BPIFB4: variants seen among roughly 807,000 people sequenced by gnomAD.
The protein encoded by BPIFB4 is BPI fold-containing family B member 4.
Under a neutral mutation model 69.2 loss-of-function variants are expected in BPIFB4, and 62 were observed. The observed-to-expected ratio is 0.90, with a 90% CI of 0.73 to 1.11. The LOEUF is 1.11. Among genes scored for constraint, BPIFB4 ranks in the 50% least tolerant of loss-of-function variants. BPIFB4 has a pLI of 0.00. For missense variants in BPIFB4, 789 were observed against 792.0 expected (o/e 1.00, Z 0.04); for synonymous variants, 330 against 332.7 (o/e 0.99, Z 0.09).
At chr20:33,088,944 C>T (rs1397427958) in intron 7 of BPIFB4, 22 bp from the exon 8 acceptor site, 11 of 1,613,384 alleles carry the variant, frequency 6.8e-6, no homozygotes, top group Non-Finnish European at 8.5e-6. Flanking sequence ...GCCTTGACCT[C>T]ATCCTGCTCC....
Position 33,083,415 on chromosome 20 carries a change from C to A in BPIFB4, c.218C>A (p.Pro73Gln), listed in dbSNP as rs150980536. The stretch of plus-strand genomic sequence containing the variant: ...GACTTCCATGTCCGAGGACCCCCCC[C>A]AGTATATACCAACGGCAAAAAACTT... ...YNDFHVRGPP[P>Q]VYTNGKKLDG... The change falls in exon 5 of 18, where the codon CCA (proline) becomes CAA (glutamine). Residue 73 changes from proline (P) to glutamine (Q), a missense_variant. Around this residue, in one of 3 missense-constraint regions of BPIFB4, gnomAD observed 611 missense variants for 575.4 expected, o/e 1.06. Transcript: ENST00000375483. 5.7e-5 allele frequency: 92 copies of A among 1,613,320 alleles called. No individual in the cohort carries two copies. In the African/African-American group the frequency reaches 8.0e-4, roughly 14 times the overall value.
In BPIFB4 at chr20:33,083,334, A is replaced by G. The variant is rs1239235156; in HGVS notation, c.170-33A>G. The G allele has an allele frequency of 5.0e-6, 8 of 1,593,166 alleles. No individual in the cohort carries two copies. The African/African-American group carries it at 1.1e-4, about 21-fold the overall frequency. ...CTTTTGGGTGGTGGCCGACACCATTACAATGACTACAGACGCATTGAATTC... is the reference window on the plus strand; with the variant it reads ...CTTTTGGGTGGTGGCCGACACCATTGCAATGACTACAGACGCATTGAATTC... On this transcript the variant is annotated intron_variant, in intron 4 of 17. Coordinates refer to ENST00000375483, the MANE Select transcript of BPIFB4 (RefSeq NM_182519.3).
chr20:33,083,223 G>A (rs1475506118), intron 4 of BPIFB4, 144 bp from the exon 5 acceptor site: 1 of 674,558 alleles, frequency 1.5e-6, no homozygotes, highest in East Asian at 4.2e-5. Flanking sequence ...TTGCTGGGTG[G>A]CAGTGGTGGG....
At chr20:33,084,370 G>A (rs1208797908) in intron 5 of BPIFB4, among the ~76,000 whole-genome samples, 1 of 152,204 alleles carries the variant, frequency 6.6e-6, no homozygotes, top group Non-Finnish European at 1.5e-5. Flanking sequence ...GGAGCTTGCA[G>A]GTTGATAGGG....
At chr20:33,089,067 G>A (rs1981520680) in intron 8 of BPIFB4, 38 bp downstream of exon 8, 4 of 1,613,418 alleles carry the variant, frequency 2.5e-6, no homozygotes, top group Non-Finnish European at 3.4e-6. Flanking sequence ...AGGGGCACAG[G>A]CTTCCCCCAG....
chr20:33,111,384 A>G (rs544003600), intron 17 of BPIFB4, 30 bp from the exon 18 acceptor site: 3 of 1,613,834 alleles, frequency 1.9e-6, no homozygotes, highest in Non-Finnish European at 2.5e-6. Context: ...CACCCCACCC[A>G]TCACCGGCTA....
At chr20:33,084,814 G>C (rs1368465505) in intron 5 of BPIFB4, 78 bp from the exon 6 acceptor site, 2 of 1,534,310 alleles carry the variant, frequency 1.3e-6, no homozygotes, top group South Asian at 1.2e-5. Flanking sequence ...CAGAGAAAGG[G>C]GGTGTAGGGG....
intron 11 of BPIFB4, among the ~76,000 whole-genome samples, chr20:33,093,542 C>T (rs1201250932): frequency 1.3e-5 from 2 of 150,398 alleles, no homozygotes; most frequent in African/African-American, 2.4e-5. Flanking sequence ...ACTCATCAAC[C>T]CACCCATCCT....
chr20:33,100,916 T>G (rs866097004), intron 14 of BPIFB4, among the ~76,000 whole-genome samples: 1 of 101,760 alleles, frequency 9.8e-6, no homozygotes, highest in Non-Finnish European at 2.4e-5. Flanking sequence ...TTAGCCGGGC[T>G]TGGTATCCAT....
chr20:33,092,779 TTGACTCACCTCCAGCTCA>T lies in BPIFB4; in HGVS notation c.1344+124_1344+141del, dbSNP rs1488704923. 1.7e-5 allele frequency: 15 copies of T among 894,802 alleles called. No individual in the cohort carries two copies. In the African/African-American group the frequency reaches 2.3e-4, roughly 14 times the overall value. 55.4% of individuals were successfully genotyped at this position (894,802 alleles called of 1,614,324 possible). A position where few individuals can be genotyped will look rare whatever the true frequency, so the allele number is the denominator to read the frequency against. ...GTGAGAACTGCAGATGGTCCACCCC[TTGACTCACCTCCAGCTCA>T]TGGGTGTGCGTCAATTACGTCAGTA... On this transcript the variant is annotated intron_variant, in intron 11 of 17. Coordinates refer to ENST00000375483, the MANE Select transcript of BPIFB4 (RefSeq NM_182519.3).
chr20:33,102,109 G>A (rs543253969), intron 14 of BPIFB4, among the ~76,000 whole-genome samples: 56 of 152,300 alleles, frequency 3.7e-4, no homozygotes. Flanking sequence ...GCAAGAGCTG[G>A]GTATTTCCTG....
chr20:33,092,523 C>T lies in BPIFB4; in HGVS notation c.1209C>T (p.Pro403=), dbSNP rs759991327. The T allele has an allele frequency of 8.7e-6, 14 of 1,614,002 alleles. No individual in the cohort carries two copies. The highest frequency in any genetic ancestry group is 1.2e-5 in the Non-Finnish European group (14 of 1,180,010). The change falls in exon 11 of 18, where the codon CCC becomes CCT. Residue 403 remains proline (P), a synonymous_variant. Coordinates refer to ENST00000375483, the MANE Select transcript of BPIFB4 (RefSeq NM_182519.3). ...DYPLGWPAVS[P]KPMPELPPMG... is the part of the protein sequence containing the mutation. ...CATTGGGGTGGCCAGCTGTGTCTCC[C>T]AAGCCGATGCCAGAGCTGCCTCCCA...
At chr20:33,100,356 A>C (rs1981873122) in intron 13 of BPIFB4, 70 bp from the exon 14 acceptor site, 2 of 1,361,008 alleles carry the variant, frequency 1.5e-6, no homozygotes, top group Non-Finnish European at 2.1e-6. Context: ...CTGGGCACAC[A>C]ATGAGCCTTT....
chr20:33,111,481 C>G lies in BPIFB4; in HGVS notation c.*44C>G, dbSNP rs759463256. On this transcript the variant is annotated 3_prime_UTR_variant, in exon 18 of 18. Coordinates refer to ENST00000375483, the MANE Select transcript of BPIFB4 (RefSeq NM_182519.3). The stretch of plus-strand genomic sequence containing the variant: ...CTGCTGCAACTGGAAGAAGCTGGAA[C>G]CAGTCCCAGAGAGGCTCGGCCTGGA... 6.2e-7 allele frequency: 1 copy of G among 1,612,692 alleles called. No individual in the cohort carries two copies. The highest frequency in any genetic ancestry group is 1.7e-5 in the Admixed American group (1 of 59,942).
At chr20:33,081,888 G>C (rs1385688172) in intron 3 of BPIFB4, among the ~76,000 whole-genome samples, 1 of 152,212 alleles carries the variant, frequency 6.6e-6, no homozygotes. Context: ...AAGAGCCCTG[G>C]ATCAGCCTTC....
chr20:33,091,674 A>T (rs968237304), intron 10 of BPIFB4, among the ~76,000 whole-genome samples: 1 of 152,270 alleles, frequency 6.6e-6, no homozygotes, highest in Admixed American at 6.5e-5. Flanking sequence ...CACCCGCTGT[A>T]TGCCTGAGCT....
At chr20:33,087,846 C>T (rs1326566539) in intron 7 of BPIFB4, among the ~76,000 whole-genome samples, 2 of 152,080 alleles carry the variant, frequency 1.3e-5, no homozygotes, top group African/African-American at 4.8e-5. Flanking sequence ...GGTGAATCCA[C>T]TTAAAAGGGG....
chr20:33,101,842 G>A (rs951759102), intron 14 of BPIFB4, among the ~76,000 whole-genome samples: 6 of 152,082 alleles, frequency 3.9e-5, no homozygotes, highest in African/African-American at 7.2e-5. Context: ...CACTGCACCC[G>A]GCCTTCCTTT....
intron 9 of BPIFB4, among the ~76,000 whole-genome samples, 190 bp downstream of exon 9, chr20:33,089,748 G>A (rs962167689): frequency 1.3e-5 from 2 of 152,124 alleles, no homozygotes; most frequent in Non-Finnish European, 2.9e-5. Flanking sequence ...GAGTACCAGA[G>A]GGAGGAGCTT....
Sources: gnomAD v4.1 joint callset for allele counts (sites outside exome capture counted in the v4.1 genomes callset) on GRCh38, gnomAD v4.1.1 for gene constraint, gnomAD v4.1.1 regional missense constraint, MANE v1.5 for transcripts, NCBI Gene and HGNC (gene_info 2026-07-23, HGNC 2026-07-21) for gene names.